Variants in ADAMTS20 observed in about 807,000 individuals in gnomAD.
The protein encoded by ADAMTS20 is ADAM metallopeptidase with thrombospondin type 1 motif 20.
ADAMTS20 carries 225 observed loss-of-function variants against 260.1 expected under a neutral mutation model. That is an observed-to-expected ratio of 0.87 (90% CI 0.78 to 0.97). The LOEUF is 0.97. Among genes scored for constraint, ADAMTS20 ranks in the 50% least tolerant of loss-of-function variants. The pLI is 0.00. For synonymous variants in ADAMTS20, 802 were observed against 769.5 expected, an observed-to-expected ratio of 1.04 and a Z score of -0.70; for missense variants, 2,400 against 2,337.7, an observed-to-expected ratio of 1.03 and a Z score of -0.55.
At chr12:43,512,891 G>T (rs1942944669) in intron 3 of ADAMTS20, among the ~76,000 whole-genome samples, 1 of 152,226 alleles carries the variant, frequency 6.6e-6, no homozygotes, top group Non-Finnish European at 1.5e-5. Flanking sequence ...CTCTTCTAAA[G>T]GTTGAATGTG....
Position 43,524,163 on chromosome 12 carries a change from C to G in ADAMTS20, c.613+7873G>C, listed in dbSNP as rs1301302451. On this transcript the variant is annotated intron_variant, in intron 3 of 38. Transcript: ENST00000389420. Reference sequence around the variant, plus strand: ...GCATTACCTTGGCTAATCAGGAGGTCCTGAGCCTGTCCAAACTTGTTCAAA... The same window carrying G: ...GCATTACCTTGGCTAATCAGGAGGTGCTGAGCCTGTCCAAACTTGTTCAAA... Among the ~76,000 whole-genome samples the G allele has an allele frequency of 3.7e-4, 7 of 18,894 alleles. 3 individuals are homozygous for G. The allele number at this position is 18,894 out of a possible 152,430, so 12.4% of individuals were successfully genotyped here.
intron 7 of ADAMTS20, among the ~76,000 whole-genome samples, chr12:43,488,918 G>A (rs1942561991): frequency 6.6e-6 from 1 of 151,982 alleles, no homozygotes; most frequent in East Asian, 1.9e-4. Flanking sequence ...GTTGCTTTGT[G>A]TTTCCTATTT....
In ADAMTS20 at chr12:43,379,124, C is replaced by G. The variant is rs141508677; in HGVS notation, c.4798-1562G>C. ...CAAAGCCTCATTCCCAGAGAATTGT[C>G]ATTATTTGAACTGTTTAGTGGTTTT... On this transcript the variant is annotated intron_variant, in intron 31 of 38. Transcript: ENST00000389420. Among the ~76,000 whole-genome samples the G allele has an allele frequency of 8.1e-4, 124 of 152,238 alleles. 2 individuals carry two copies. Among genetic ancestry groups the G allele is most frequent in the African/African-American group, 2.6e-3 (110 of 41,532 alleles).
At chr12:43,362,027 C>G (rs1248134914) in intron 37 of ADAMTS20, among the ~76,000 whole-genome samples, 1 of 152,146 alleles carries the variant, frequency 6.6e-6, no homozygotes, top group Non-Finnish European at 1.5e-5. Flanking sequence ...TATTAGCAGA[C>G]TAGGTTGCAT....
At chr12:43,520,636 G>A (rs2137480742) in intron 3 of ADAMTS20, among the ~76,000 whole-genome samples, 1 of 152,240 alleles carries the variant, frequency 6.6e-6, no homozygotes, top group South Asian at 2.1e-4. Flanking sequence ...TGAAAGAGTA[G>A]TTCCAGTAAA....
chr12:43,412,926 G>A (rs1315634601), intron 28 of ADAMTS20, among the ~76,000 whole-genome samples: 2 of 141,296 alleles, frequency 1.4e-5, no homozygotes, highest in East Asian at 2.2e-4. Flanking sequence ...TTCTCCTGCC[G>A]CAGCCTCCCA....
At chr12:43,479,282 C>A (rs1174110964) in intron 7 of ADAMTS20, among the ~76,000 whole-genome samples, 1 of 152,096 alleles carries the variant, frequency 6.6e-6, no homozygotes. Context: ...TAGAGATATA[C>A]TTCATGTTTC....
intron 16 of ADAMTS20, 71 bp from the exon 17 acceptor site, chr12:43,440,140 T>A: frequency 4.7e-3 from 203 of 42,966 alleles, no homozygotes; most frequent in Non-Finnish European, 6.0e-3. Flanking sequence ...CTTGTTTAAC[T>A]TTTTTTTTTT....
intron 19 of ADAMTS20, chr12:43,433,710 ACAC>A: frequency 5.0e-5 from 3 of 60,376 alleles, no homozygotes; most frequent in Non-Finnish European, 2.6e-5. Flanking sequence ...ACAAACACAC[ACAC>A]ACACACACAC....
intron 28 of ADAMTS20, among the ~76,000 whole-genome samples, chr12:43,413,483 T>G (rs1284431899): frequency 1.3e-5 from 2 of 152,114 alleles, no homozygotes; most frequent in East Asian, 1.9e-4. Context: ...AAGTAGATCT[T>G]GCTTTGGTAT....
At chr12:43,387,291 C>A (rs546812314) in intron 29 of ADAMTS20, among the ~76,000 whole-genome samples, 1 of 152,264 alleles carries the variant, frequency 6.6e-6, no homozygotes, top group East Asian at 1.9e-4. Flanking sequence ...CATGCCAGAG[C>A]CTGCTTGCCT....
intron 3 of ADAMTS20, among the ~76,000 whole-genome samples, chr12:43,514,680 T>C (rs1230933335): frequency 6.6e-6 from 1 of 150,950 alleles, no homozygotes; most frequent in Non-Finnish European, 1.5e-5. Context: ...GATCCTAATG[T>C]CAGATTTAGA....
chr12:43,451,001 C>G (rs1284262823), intron 14 of ADAMTS20, among the ~76,000 whole-genome samples: 1 of 152,116 alleles, frequency 6.6e-6, no homozygotes, highest in African/African-American at 2.4e-5. Context: ...CAGCTCTATT[C>G]ACAATAGCCA....
chr12:43,526,327 G>A lies in ADAMTS20; in HGVS notation c.613+5709C>T, dbSNP rs533348722. Among the ~76,000 whole-genome samples the A allele has an allele frequency of 1.8e-4, 28 of 152,116 alleles. 2 individuals are homozygous for A. In the South Asian group the frequency reaches 5.0e-3, roughly 27 times the overall value. ...AAAGAAATTAGCCAGGCGTGGTGGC[G>A]GGCACCTGTAATCCCAGCTACTCGG... On this transcript the variant is annotated intron_variant, in intron 3 of 38. Coordinates refer to ENST00000389420, the MANE Select transcript of ADAMTS20 (RefSeq NM_025003.5).
Position 43,453,960 on chromosome 12 carries a change from TG to T in ADAMTS20, c.1706del (p.Ser569Ter). ...WGPWEPYSSCSRTCGGGIESA... is the reference protein window; with the variant it reads ...WGPWEPYSSCXRTCGGGIESA... The stretch of plus-strand genomic sequence containing the variant: ...TTTCGATTCCGCCTCCACATGTTCT[TG>T]AACAAGAACTGTAAGGTTCCCATGG... On this transcript the variant is annotated frameshift_variant, in exon 12 of 39. Transcript: ENST00000389420. LOFTEE classifies it high-confidence loss of function. The T allele has an allele frequency of 6.2e-7, 1 of 1,613,036 alleles. No individual in the cohort carries two copies. The highest frequency in any genetic ancestry group is 8.5e-7 in the Non-Finnish European group (1 of 1,179,492).
chr12:43,534,331 A>G (rs1315789096), intron 2 of ADAMTS20, among the ~76,000 whole-genome samples: 1 of 152,154 alleles, frequency 6.6e-6, no homozygotes, highest in Non-Finnish European at 1.5e-5. Context: ...ATGAGCAGAC[A>G]CTTCTCAAAA....
chr12:43,390,472 T>C (rs973489738), intron 29 of ADAMTS20, among the ~76,000 whole-genome samples: 1 of 152,186 alleles, frequency 6.6e-6, no homozygotes, highest in Non-Finnish European at 1.5e-5. Flanking sequence ...TTGTATCATT[T>C]CTCTTTTTAA....
chr12:43,488,156 G>A (rs1014017219), intron 7 of ADAMTS20, among the ~76,000 whole-genome samples: 18 of 151,974 alleles, frequency 1.2e-4, no homozygotes, highest in Admixed American at 7.2e-4. Context: ...GGAGTTGAGC[G>A]AGGGAAGAAA....
chr12:43,488,029 T>C (rs758659923), intron 7 of ADAMTS20, among the ~76,000 whole-genome samples: 2 of 152,156 alleles, frequency 1.3e-5, no homozygotes, highest in Non-Finnish European at 2.9e-5. Context: ...TGAATGTAAT[T>C]TCACAGTGAA....
Sources: gnomAD v4.1 joint callset for allele counts (sites outside exome capture counted in the v4.1 genomes callset) on GRCh38, gnomAD v4.1.1 for gene constraint, MANE v1.5 for transcripts, NCBI Gene and HGNC (gene_info 2026-07-23, HGNC 2026-07-21) for gene names.